Variants in ZNF487 observed in about 807,000 individuals in gnomAD.
ZNF487 encodes KRAB domain only 1.
A neutral mutation model predicts 3.0 loss-of-function variants in ZNF487; 4 were observed. The ratio of observed to expected loss-of-function variants is 1.35; its 90% confidence interval spans 0.66 to 3.08. ZNF487 has a LOEUF of 3.08. ZNF487 is among the 30% of genes most tolerant of loss of function. The pLI, the probability that ZNF487 is intolerant of heterozygous loss-of-function variation, is 0.01. For missense variants in ZNF487, 146 were observed against 98.7 expected (o/e 1.48, Z -2.03); for synonymous variants, 55 against 34.6 (o/e 1.59, Z -2.06).
In ZNF487 at chr10:43,482,257, GTA is replaced by G; in HGVS notation, c.*337_*338del. ...GAAAGAATGCCTATAAAATTAATCA[GTA>G]TGCTAGTACATTTTGCTGTAAGCCA... is the stretch of plus-strand genomic sequence containing the variant. On this transcript the variant is annotated 3_prime_UTR_variant, in exon 4 of 4. Transcript: ENST00000437590. 1 of 402,716 alleles carries G rather than the reference GTA, an allele frequency of 2.5e-6. No individual in the cohort carries two copies. The highest frequency in any genetic ancestry group is 4.7e-6 in the Non-Finnish European group (1 of 212,580). The allele number at this position is 402,716 out of a possible 1,614,324, so 24.9% of individuals were successfully genotyped here. A position where few individuals can be genotyped will look rare whatever the true frequency, so the allele number is the denominator to read the frequency against.
intron 1 of ZNF487, among the ~76,000 whole-genome samples, chr10:43,465,962 G>A (rs2132108856): frequency 6.6e-6 from 1 of 152,340 alleles, no homozygotes; most frequent in East Asian, 1.9e-4. Context: ...GAGGCTGGGG[G>A]ATCACTCGCA....
At chr10:43,456,088 A>T (rs1437701797) in intron 1 of ZNF487, among the ~76,000 whole-genome samples, 1 of 152,138 alleles carries the variant, frequency 6.6e-6, no homozygotes, top group African/African-American at 2.4e-5. Context: ...GTGGGCCCGC[A>T]CTTCATAATG....
chr10:43,514,898 C>T, the ZNF487 span, among the ~76,000 whole-genome samples: 10 of 152,270 alleles, frequency 6.6e-5, no homozygotes, highest in South Asian at 2.1e-3. Context: ...GTGACTAATC[C>T]ACTCCACCAT....
intron 1 of ZNF487, among the ~76,000 whole-genome samples, chr10:43,456,608 T>C (rs1308779734): frequency 6.6e-6 from 1 of 152,158 alleles, no homozygotes; most frequent in Non-Finnish European, 1.5e-5. Flanking sequence ...TGAGATGGAG[T>C]GTCGCTCTGT....
chr10:43,501,932 C>G, the ZNF487 span, among the ~76,000 whole-genome samples: 1 of 152,070 alleles, frequency 6.6e-6, no homozygotes, highest in Non-Finnish European at 1.5e-5. Flanking sequence ...TACACTGAAA[C>G]TACAAAACAT....
intron 1 of ZNF487, among the ~76,000 whole-genome samples, chr10:43,474,703 C>G (rs1340272251): frequency 6.6e-6 from 1 of 151,966 alleles, no homozygotes; most frequent in Non-Finnish European, 1.5e-5. Context: ...CTGTCTCAGC[C>G]TCCCCAGTAG....
chr10:43,498,623 G>A, the ZNF487 span, among the ~76,000 whole-genome samples: 56 of 151,550 alleles, frequency 3.7e-4, 1 homozygote, highest in Non-Finnish European at 1.2e-4. Flanking sequence ...GGATGCAATA[G>A]TGCTGAGAGG....
the ZNF487 span, among the ~76,000 whole-genome samples, chr10:43,505,023 T>C: frequency 2.0e-5 from 3 of 152,026 alleles, no homozygotes; most frequent in East Asian, 5.8e-4. Flanking sequence ...TGCTGTTTTT[T>C]AAAGAGATGG....
At chr10:43,520,287 G>A in the ZNF487 span, among the ~76,000 whole-genome samples, 1 of 151,846 alleles carries the variant, frequency 6.6e-6, no homozygotes, top group African/African-American at 2.4e-5. Context: ...ATATTTCTTT[G>A]TTGATTGTAT....
intron 1 of ZNF487, chr10:43,453,909 T>C (rs933120499): frequency 2.4e-4 from 37 of 152,152 alleles, no homozygotes; most frequent in African/African-American, 8.7e-4. Flanking sequence ...AGTATAATGC[T>C]CTCATGTTTT....
the ZNF487 span, among the ~76,000 whole-genome samples, chr10:43,490,500 C>CTTTTTTT: frequency 6.6e-4 from 26 of 39,158 alleles, 11 homozygotes; most frequent in East Asian, 2.4e-3. Flanking sequence ...AGTAGCTCTA[C>CTTTTTTT]TTTTTTTTTT....
At chr10:43,442,330 A>G (rs1284395327) in intron 1 of ZNF487, among the ~76,000 whole-genome samples, 2 of 152,094 alleles carry the variant, frequency 1.3e-5, no homozygotes, top group African/African-American at 2.4e-5. Flanking sequence ...TTCAATTTAT[A>G]TATTGTTTTG....
intron 1 of ZNF487, among the ~76,000 whole-genome samples, chr10:43,441,442 T>G (rs1297838262): frequency 2.0e-5 from 3 of 152,050 alleles, no homozygotes; most frequent in Non-Finnish European, 4.4e-5. Context: ...ATTTTTTGTA[T>G]TTTTAGTAGA....
At chr10:43,469,011 AAAAG>A (rs1564423867) in intron 1 of ZNF487, among the ~76,000 whole-genome samples, 2 of 150,586 alleles carry the variant, frequency 1.3e-5, no homozygotes, top group Non-Finnish European at 3.0e-5. Context: ...AAAAAAAAAA[AAAAG>A]AAAAAGAAAG....
At chr10:43,467,957 G>A (rs139508321) in intron 1 of ZNF487, among the ~76,000 whole-genome samples, 119 of 152,242 alleles carry the variant, frequency 7.8e-4, no homozygotes, top group African/African-American at 2.7e-3. Flanking sequence ...GACCATTTAC[G>A]ATTCATGGGA....
intron 1 of ZNF487, among the ~76,000 whole-genome samples, chr10:43,445,835 A>G (rs961571802): frequency 1.3e-5 from 2 of 152,150 alleles, no homozygotes; most frequent in Non-Finnish European, 2.9e-5. Flanking sequence ...GGCCTTCCGC[A>G]GTGTTTGTGT....
intron 1 of ZNF487, among the ~76,000 whole-genome samples, chr10:43,465,444 G>C (rs1189832174): frequency 2.6e-5 from 4 of 151,244 alleles, no homozygotes; most frequent in Admixed American, 1.3e-4. Flanking sequence ...GGCAGCTGCC[G>C]GGCAGAGGGT....
At chr10:43,461,205 T>C (rs12571914) in intron 1 of ZNF487, among the ~76,000 whole-genome samples, 5,187 of 151,954 alleles carry the variant, frequency 0.034, 115 homozygotes, top group South Asian at 0.042. Context: ...TGGGGTTTCA[T>C]CATGTTTGTC....
Position 43,482,523 on chromosome 10 carries a change from T to C in ZNF487, c.*601T>C, listed in dbSNP as rs762309307. ...ATGTAATGAATGTGGAAAAAACTTC[T>C]GTGAGAAGTCAAATCTTCATGTACA... On this transcript the variant is annotated 3_prime_UTR_variant, in exon 4 of 4. Transcript: ENST00000437590. 2 of 489,904 alleles carry C rather than the reference T, an allele frequency of 4.1e-6. No individual in the cohort carries two copies. The highest frequency in any genetic ancestry group is 4.2e-6 in the Non-Finnish European group (1 of 239,748). 30.3% of individuals were successfully genotyped at this position (489,904 alleles called of 1,614,324 possible).
Sources: gnomAD v4.1 joint callset for allele counts (sites outside exome capture counted in the v4.1 genomes callset) on GRCh38, gnomAD v4.1.1 for gene constraint, MANE v1.5 for transcripts, NCBI Gene and HGNC (gene_info 2026-07-23, HGNC 2026-07-21) for gene names.